AAMDC: variants seen among roughly 807,000 people sequenced by gnomAD.
AAMDC encodes mth938 domain-containing protein.
Under a neutral mutation model 15.5 loss-of-function variants are expected in AAMDC, and 16 were observed. The ratio of observed to expected loss-of-function variants is 1.03; its 90% CI spans 0.70 to 1.57. AAMDC has a LOEUF of 1.57. Among genes scored for constraint, AAMDC ranks in the 40% most tolerant of loss-of-function variants. The probability of loss-of-function intolerance (pLI) is 0.00; values close to 1 mark genes in which losing one functional copy is unlikely to be tolerated. For missense variants in AAMDC, 141 were observed against 144.9 expected, an observed-to-expected ratio of 0.97 and a Z score of 0.14; for synonymous variants, 51 against 51.6, an observed-to-expected ratio of 0.99 and a Z score of 0.05.
chr11:77,898,780 G>A (rs1357420245), intron 5 of AAMDC, among the ~76,000 whole-genome samples: 2 of 152,162 alleles, frequency 1.3e-5, no homozygotes, highest in Non-Finnish European at 2.9e-5. Flanking sequence ...AGCACTTTGG[G>A]AGGCCAAGGC....
intron 1 of AAMDC, among the ~76,000 whole-genome samples, chr11:77,821,682 G>A (rs1343577353): frequency 1.3e-5 from 2 of 152,000 alleles, no homozygotes; most frequent in Non-Finnish European, 1.5e-5. Context: ...AGGAGACGGT[G>A]GAGCAGCGAA....
chr11:77,825,080 A>C (rs1949106393), intron 1 of AAMDC, among the ~76,000 whole-genome samples: 1 of 152,198 alleles, frequency 6.6e-6, no homozygotes, highest in South Asian at 2.1e-4. Context: ...TCCTGGTTTC[A>C]CGCCATTCTA....
At chr11:77,860,754 A>C (rs1295536511) in intron 2 of AAMDC, among the ~76,000 whole-genome samples, 1 of 152,174 alleles carries the variant, frequency 6.6e-6, no homozygotes, top group Non-Finnish European at 1.5e-5. Flanking sequence ...GAGAGTCAGG[A>C]TGTACAGGGA....
At chr11:77,901,406 A>G (rs1376610275), downstream of AAMDC, 5 of 1,613,754 alleles carry the variant, frequency 3.1e-6, no homozygotes, top group Admixed American at 8.3e-5. Flanking sequence ...TATTTTGGCC[A>G]ACCCCACATC....
rs572921715 is a variant in AAMDC at position 77,821,181 on chromosome 11, G to GT, written c.-78dup. 1.4e-5 allele frequency: 5 copies of GT among 359,400 alleles called. No homozygotes were observed. The highest frequency in any genetic ancestry group is 2.5e-5 in the Non-Finnish European group (5 of 199,596). 22.3% of individuals were successfully genotyped at this position (359,400 alleles called of 1,614,324 possible). A position where few individuals can be genotyped will look rare whatever the true frequency, so the allele number is the denominator to read the frequency against. ...CAGATCCCGAAGCAGCGCTGGGAGC[G>GT]TAAGTGCGGGCAGAGCACTGCGCCG... On this transcript the variant is annotated 5_prime_UTR_variant, in exon 1 of 4. Transcript: ENST00000393427.
At chr11:77,830,627 C>T (rs559183185) in intron 1 of AAMDC, among the ~76,000 whole-genome samples, 89 of 152,120 alleles carry the variant, frequency 5.9e-4, no homozygotes, top group African/African-American at 2.0e-3. Context: ...TTTATTCCCG[C>T]GTTTGCCCCC....
chr11:77,887,623 A>T (rs545479840), intron 5 of AAMDC, among the ~76,000 whole-genome samples: 1 of 152,304 alleles, frequency 6.6e-6, no homozygotes, highest in East Asian at 1.9e-4. Flanking sequence ...GAAAAGAGGA[A>T]GTCAAATTGT....
At chr11:77,868,985 G>A (rs369914989) in intron 2 of AAMDC, 5 of 300,556 alleles carry the variant, frequency 1.7e-5, no homozygotes, top group Middle Eastern at 9.1e-4. Context: ...CCAACAGCAC[G>A]TTGGGTAATA....
intron 5 of AAMDC, chr11:77,883,739 G>T: frequency 7.6e-7 from 1 of 1,318,656 alleles, no homozygotes; most frequent in Non-Finnish European, 1.0e-6. Context: ...ATTCATCCAT[G>T]TATTTTTTTC....
chr11:77,904,057 T>A (rs981260530), downstream of AAMDC, among the ~76,000 whole-genome samples: 3 of 152,346 alleles, frequency 2.0e-5, no homozygotes, highest in African/African-American at 2.4e-5. Context: ...AACCACTTTA[T>A]CAACATATTC....
intron 5 of AAMDC, among the ~76,000 whole-genome samples, chr11:77,878,206 C>T (rs1461820236): frequency 6.6e-6 from 1 of 151,854 alleles, no homozygotes; most frequent in African/African-American, 2.4e-5. Context: ...ACTAAAAATA[C>T]AAAAAATTAG....
At chr11:77,877,279 T>C (rs2136337986), downstream of AAMDC, among the ~76,000 whole-genome samples, 1 of 152,294 alleles carries the variant, frequency 6.6e-6, no homozygotes, top group Admixed American at 6.5e-5. Flanking sequence ...GTAAAGAGCT[T>C]ACAACACTGC....
intron 2 of AAMDC, among the ~76,000 whole-genome samples, chr11:77,846,304 G>A (rs1362356335): frequency 6.6e-6 from 1 of 152,110 alleles, no homozygotes; most frequent in Non-Finnish European, 1.5e-5. Context: ...GATCTTTTGA[G>A]GTCAATTTCT....
downstream of AAMDC, among the ~76,000 whole-genome samples, chr11:77,876,535 T>C (rs1346803755): frequency 3.9e-5 from 6 of 152,124 alleles, no homozygotes. Context: ...GATACGATAC[T>C]TGAATTGCTT....
chr11:77,840,557 C>T (rs139152657), intron 1 of AAMDC, among the ~76,000 whole-genome samples: 2,106 of 152,250 alleles, frequency 0.014, 24 homozygotes, highest in South Asian at 0.028. Context: ...TAATGTATTT[C>T]TATTAGAAAA....
intron 5 of AAMDC, among the ~76,000 whole-genome samples, chr11:77,897,752 G>C (rs1331099582): frequency 2.0e-5 from 3 of 151,756 alleles, no homozygotes; most frequent in African/African-American, 7.3e-5. Flanking sequence ...TGATCCACCC[G>C]ATTCGGCCTC....
chr11:77,877,021 A>G (rs1951615128), downstream of AAMDC: 2 of 703,030 alleles, frequency 2.8e-6, no homozygotes, highest in African/African-American at 1.7e-5. Flanking sequence ...CTACAGCTTC[A>G]TGGCACATCC....
At chr11:77,884,772 TAAAA>T in intron 5 of AAMDC, 1 of 399,932 alleles carries the variant, frequency 2.5e-6, no homozygotes, top group Admixed American at 2.6e-5. Context: ...TTTTTTTCTT[TAAAA>T]CAGGGTCTTA....
chr11:77,895,199 A>G (rs1341738598), intron 5 of AAMDC, among the ~76,000 whole-genome samples: 70 of 152,148 alleles, frequency 4.6e-4, no homozygotes, highest in Admixed American at 4.6e-3. Flanking sequence ...TGACCTTTGC[A>G]TATTTTCTTC....
Sources: allele counts gnomAD v4.1 joint callset (sites outside exome capture counted in the v4.1 genomes callset), GRCh38; gene constraint gnomAD v4.1.1; transcripts MANE v1.5; gene names NCBI Gene and HGNC (gene_info 2026-07-23, HGNC 2026-07-21).